CRACDL: variants seen among roughly 807,000 people sequenced by gnomAD.
The protein encoded by CRACDL is CRACD like, also known as CRACD-like protein.
In CRACDL, 26 loss-of-function variants were observed where a neutral mutation model predicts 70.6. That is an observed-to-expected ratio of 0.37 (90% CI 0.27 to 0.51). The LOEUF is 0.51. Among genes scored for constraint, CRACDL ranks in the 20% least tolerant of loss-of-function variants. The pLI is 0.94. For missense variants in CRACDL, 1,283 were observed against 1,376.9 expected (o/e 0.93, Z 1.08); for synonymous variants, 618 against 615.2 (o/e 1.00, Z -0.07).
chr2:98,822,952 G>C lies in CRACDL; in HGVS notation c.1321C>G (p.Pro441Ala). 2 of 1,463,908 alleles carry C rather than the reference G, an allele frequency of 1.4e-6. No homozygotes were observed. The highest frequency in any genetic ancestry group is 1.8e-6 in the Non-Finnish European group (2 of 1,112,712). The allele number at this position is 1,463,908 out of a possible 1,614,324, so 90.7% of individuals were successfully genotyped here. A position where few individuals can be genotyped will look rare whatever the true frequency, so the allele number is the denominator to read the frequency against. The change falls in exon 7 of 10, where the codon CCG becomes GCG. Residue 441 changes from proline to alanine, a missense_variant. Pro to Ala is a conservative substitution (Grantham distance 27, BLOSUM62 -1). Transcript: ENST00000397899. The surrounding 1 kb of genome is among the most constrained non-coding windows in gnomAD (Gnocchi z 4.9). ...TCATCCGGGAGCACGGGCGGCGTCG[G>C]CTCCGCTTCCTTCGGGACACTGCGT... Reference protein sequence around the residue: ...PERSVPKEAEPTPPVLPDEEK... With the variant: ...PERSVPKEAEATPPVLPDEEK...
chr2:98,814,985 T>C (rs541243639), intron 7 of CRACDL, among the ~76,000 whole-genome samples: 2 of 152,288 alleles, frequency 1.3e-5, no homozygotes, highest in South Asian at 4.1e-4. Context: ...CTTTGTGTTA[T>C]ATGAATATAT....
At chr2:98,827,306 CTT>C in intron 5 of CRACDL, 137 bp from the exon 6 acceptor site, 2 of 624,228 alleles carry the variant, frequency 3.2e-6, no homozygotes, top group Non-Finnish European at 5.6e-6. Context: ...GAAATACTTT[CTT>C]TTTTTTTCCC....
Position 98,823,036 on chromosome 2 carries a change from G to A in CRACDL, c.1237C>T (p.Pro413Ser), listed in dbSNP as rs746399760. The change falls in exon 7 of 10, where the codon CCC (proline) becomes TCC (serine). Residue 413 changes from proline to serine, a missense_variant. Coordinates refer to ENST00000397899, the MANE Select transcript of CRACDL (RefSeq NM_207362.3). The surrounding 1 kb of genome is among the most constrained non-coding windows in gnomAD (Gnocchi z 4.0). ...PTAIPEGDTT[P>S]PETDPAATSE... ...GTGGCGGCGGGGTCAGTCTCGGGGGGAGTCGTGTCCCCCTCAGGGATGGCG... is the reference window on the plus strand; with the variant it reads ...GTGGCGGCGGGGTCAGTCTCGGGGGAAGTCGTGTCCCCCTCAGGGATGGCG... The A allele has an allele frequency of 1.2e-5, 19 of 1,526,692 alleles. No individual in the cohort carries two copies. The highest frequency in any genetic ancestry group is 8.8e-7 in the Non-Finnish European group (1 of 1,134,264). 94.6% of individuals were successfully genotyped at this position (1,526,692 alleles called of 1,614,324 possible).
chr2:98,856,275 C>G (rs910845629), intron 1 of CRACDL, among the ~76,000 whole-genome samples: 1 of 152,060 alleles, frequency 6.6e-6, no homozygotes, highest in Non-Finnish European at 1.5e-5. Context: ...AATTTCTTAT[C>G]AGAAACATTG....
At chr2:98,844,847 G>C (rs1706183432) in intron 2 of CRACDL, among the ~76,000 whole-genome samples, 1 of 152,150 alleles carries the variant, frequency 6.6e-6, no homozygotes, top group Admixed American at 6.5e-5. Flanking sequence ...AAGTACCTGG[G>C]TTTGCATCCA....
intron 1 of CRACDL, among the ~76,000 whole-genome samples, chr2:98,878,753 T>C (rs976086731): frequency 2.0e-5 from 3 of 152,194 alleles, no homozygotes; most frequent in Admixed American, 1.3e-4. Flanking sequence ...GCTAAAAATA[T>C]TGTAGTGGCA....
chr2:98,886,841 A>T (rs1707809530), intron 1 of CRACDL, among the ~76,000 whole-genome samples: 1 of 152,234 alleles, frequency 6.6e-6, no homozygotes, highest in East Asian at 1.9e-4. Flanking sequence ...AATTTTCAGC[A>T]AAAAATTACA....
intron 1 of CRACDL, among the ~76,000 whole-genome samples, chr2:98,889,737 A>T (rs1314387288): frequency 6.6e-6 from 1 of 152,244 alleles, no homozygotes; most frequent in Admixed American, 6.5e-5. Context: ...ATGGAACATT[A>T]TCCAGGATAG....
At chr2:98,907,761 A>G (rs1044631741) in intron 1 of CRACDL, among the ~76,000 whole-genome samples, 1 of 152,106 alleles carries the variant, frequency 6.6e-6, no homozygotes, top group Non-Finnish European at 1.5e-5. Flanking sequence ...CAATATCACA[A>G]TTGCTTGGGA....
intron 1 of CRACDL, among the ~76,000 whole-genome samples, chr2:98,910,725 C>T (rs1708527603): frequency 6.6e-6 from 1 of 152,172 alleles, no homozygotes; most frequent in Non-Finnish European, 1.5e-5. Context: ...GCCATCAGAG[C>T]TCAGGGTTGC....
chr2:98,884,390 G>A (rs1034407770), intron 1 of CRACDL, among the ~76,000 whole-genome samples: 1 of 152,218 alleles, frequency 6.6e-6, no homozygotes, highest in African/African-American at 2.4e-5. Flanking sequence ...GAAACATGCA[G>A]GGCTGGAAGC....
chr2:98,835,140 G>A (rs934649453), intron 3 of CRACDL, among the ~76,000 whole-genome samples: 1 of 152,136 alleles, frequency 6.6e-6, no homozygotes, highest in Non-Finnish European at 1.5e-5. Context: ...AGAGAAAAGA[G>A]AATACAAAGA....
intron 1 of CRACDL, among the ~76,000 whole-genome samples, chr2:98,906,179 C>T (rs1708408310): frequency 6.6e-6 from 1 of 152,022 alleles, no homozygotes; most frequent in Non-Finnish European, 1.5e-5. Context: ...GATTTGTCTT[C>T]AAGCTCACTG....
chr2:98,823,265 C>T lies in CRACDL; in HGVS notation c.1008G>A (p.Pro336=). 7.1e-7 allele frequency: 1 copy of T among 1,405,366 alleles called. No individual in the cohort carries two copies. The highest frequency in any genetic ancestry group is 1.5e-5 in the African/African-American group (1 of 65,656). 87.1% of individuals were successfully genotyped at this position (1,405,366 alleles called of 1,614,324 possible). A position where few individuals can be genotyped will look rare whatever the true frequency, so the allele number is the denominator to read the frequency against. ...GVPGEDPSSR[P]ATPELAEPES... Reference sequence around the variant, plus strand: ...CGGGCTCGGCGAGCTCCGGGGTGGCCGGGCGGCTTGAGGGGTCCTCCCCGG... The same window carrying T: ...CGGGCTCGGCGAGCTCCGGGGTGGCTGGGCGGCTTGAGGGGTCCTCCCCGG... The change falls in exon 7 of 10, where the codon CCG becomes CCA. Residue 336 remains proline (P), a synonymous_variant. Coordinates refer to ENST00000397899, the MANE Select transcript of CRACDL (RefSeq NM_207362.3). The surrounding 1 kb of genome is among the most constrained non-coding windows in gnomAD (Gnocchi z 4.0).
chr2:98,930,139 G>A (rs1010717554), intron 1 of CRACDL, among the ~76,000 whole-genome samples: 14 of 152,062 alleles, frequency 9.2e-5, no homozygotes, highest in African/African-American at 2.4e-4. Flanking sequence ...CCAACACGAC[G>A]GGGCGTATGT....
At chr2:98,839,672 C>T (rs530554007) in intron 2 of CRACDL, among the ~76,000 whole-genome samples, 18 of 152,330 alleles carry the variant, frequency 1.2e-4, no homozygotes, top group African/African-American at 4.3e-4. Context: ...TCTTCTCCTA[C>T]TAGGCTTTGT....
intron 1 of CRACDL, among the ~76,000 whole-genome samples, chr2:98,929,271 G>A (rs945469971): frequency 1.3e-5 from 2 of 152,194 alleles, no homozygotes; most frequent in South Asian, 4.1e-4. Context: ...TTCCCATGCC[G>A]CCTGCACAGA....
At position 98,909,938 on chromosome 2, in the gene CRACDL, A is replaced by G. The variant is rs577919421; in HGVS notation, c.-11+26000T>C. 4.3e-4 allele frequency among the ~76,000 whole-genome samples: 65 copies of G among 152,300 alleles called. No individual in the cohort carries two copies. In the South Asian group the frequency reaches 0.013, roughly 31 times the overall value. ...GCCGCTTTCAAAAAGGGGAAACTTA[A>G]TTCTGAAGCAGGAAATGGCTGCATT... On this transcript the variant is annotated intron_variant, in intron 1 of 9. Transcript: ENST00000397899.
chr2:98,903,012 G>A (rs999672032), intron 1 of CRACDL, among the ~76,000 whole-genome samples: 1 of 152,036 alleles, frequency 6.6e-6, no homozygotes, highest in Non-Finnish European at 1.5e-5. Context: ...CCCCAGGGCC[G>A]CGCTAGCACA....
Sources: allele counts gnomAD v4.1 joint callset (sites outside exome capture counted in the v4.1 genomes callset), GRCh38; gene constraint gnomAD v4.1.1; non-coding constraint Gnocchi (gnomAD v3.1); transcripts MANE v1.5; gene names NCBI Gene and HGNC (gene_info 2026-07-23, HGNC 2026-07-21).